Variants in PRKCA observed in about 807,000 individuals in gnomAD.
PRKCA encodes the protein protein kinase C alpha, also known as protein kinase C alpha type.
In PRKCA, 27 loss-of-function variants were observed where a neutral mutation model predicts 87.0. The ratio of observed to expected loss-of-function variants is 0.31; its 90% CI spans 0.23 to 0.43. PRKCA has a LOEUF of 0.43. PRKCA is among the 20% of genes least tolerant of loss of function. The pLI is 1.00. For missense variants in PRKCA, 518 were observed against 852.3 expected (o/e 0.61, Z 4.88); for synonymous variants, 329 against 311.1 (o/e 1.06, Z -0.61).
chr17:66,628,705 G>T (rs768809250), intron 3 of PRKCA, among the ~76,000 whole-genome samples: 1 of 152,098 alleles, frequency 6.6e-6, no homozygotes, highest in East Asian at 1.9e-4. Context: ...TTAAAGTGAG[G>T]TTATAACCAA....
chr17:66,306,955 G>C (rs1464643385), intron 2 of PRKCA, among the ~76,000 whole-genome samples: 2 of 152,006 alleles, frequency 1.3e-5, no homozygotes, highest in Non-Finnish European at 2.9e-5. Context: ...TATTATTAGG[G>C]CAAGCAGAAA....
intron 3 of PRKCA, among the ~76,000 whole-genome samples, chr17:66,606,216 C>T (rs1970205421): frequency 6.6e-6 from 1 of 152,072 alleles, no homozygotes. Flanking sequence ...GGTGAAACCC[C>T]GTCTTTACTA....
chr17:66,470,311 C>T (rs1915269396), intron 2 of PRKCA, among the ~76,000 whole-genome samples: 1 of 146,990 alleles, frequency 6.8e-6, no homozygotes, highest in Non-Finnish European at 1.5e-5. Flanking sequence ...CCCCCACCCC[C>T]GCCAACCTGG....
intron 3 of PRKCA, among the ~76,000 whole-genome samples, chr17:66,580,697 A>C (rs1598789052): frequency 6.6e-6 from 1 of 152,196 alleles, no homozygotes; most frequent in East Asian, 1.9e-4. Context: ...GGTTTTCGCC[A>C]ACTAAACACA....
chr17:66,684,877 A>G (rs556608907), intron 5 of PRKCA, among the ~76,000 whole-genome samples: 2 of 152,300 alleles, frequency 1.3e-5, no homozygotes, highest in South Asian at 4.1e-4. Context: ...AAAGCATCTG[A>G]TTCTCATTCT....
chr17:66,688,892 G>A, intron 7 of PRKCA, 59 bp from the exon 8 acceptor site: 1 of 1,080,658 alleles, frequency 9.3e-7, no homozygotes. Context: ...TCGACTAGAG[G>A]CTGCAGGAAA....
At chr17:66,548,969 C>T (rs925720954) in intron 3 of PRKCA, among the ~76,000 whole-genome samples, 2 of 151,908 alleles carry the variant, frequency 1.3e-5, no homozygotes, top group African/African-American at 4.8e-5. Context: ...CCACACCCAG[C>T]TAATTTTTGT....
intron 2 of PRKCA, among the ~76,000 whole-genome samples, chr17:66,439,215 T>G (rs991543792): frequency 2.0e-5 from 3 of 152,072 alleles, no homozygotes; most frequent in Non-Finnish European, 2.9e-5. Context: ...GAGTCTTGCT[T>G]TGTTGTCCAG....
intron 3 of PRKCA, among the ~76,000 whole-genome samples, chr17:66,557,444 CAAA>C (rs771806366): frequency 1.9e-5 from 2 of 106,878 alleles, no homozygotes. Context: ...GAAACCTGTG[CAAA>C]AAAAAAAAAA....
At chr17:66,788,065 C>T (rs9890506) in intron 15 of PRKCA, among the ~76,000 whole-genome samples, 26,281 of 152,232 alleles carry the variant, frequency 0.17, 3,774 homozygotes, top group African/African-American at 0.39. Context: ...TGAGGAAATG[C>T]TCTAGGAATA....
intron 2 of PRKCA, among the ~76,000 whole-genome samples, chr17:66,440,421 A>G (rs953923577): frequency 2.0e-5 from 3 of 152,236 alleles, no homozygotes; most frequent in South Asian, 2.1e-4. Context: ...GGAAGTCAGC[A>G]CATGTCTCCA....
At chr17:66,577,475 G>T (rs139423669) in intron 3 of PRKCA, among the ~76,000 whole-genome samples, 9 of 152,106 alleles carry the variant, frequency 5.9e-5, no homozygotes, top group African/African-American at 2.2e-4. Context: ...CTCCATAGCA[G>T]CCAGGATGCC....
rs942314260 is a variant in PRKCA, at chr17:66,431,930, C to T, written c.206-64271C>T. ...TGGAAAACCAGTAATAATTTCCCCC[C>T]GCATCCTAATTCTTTTTTCATTTCA... On this transcript the variant is annotated intron_variant, in intron 2 of 16. Coordinates refer to ENST00000413366, the MANE Select transcript of PRKCA (RefSeq NM_002737.3). Among the ~76,000 whole-genome samples, 6 of 152,314 alleles carry T rather than the reference C, an allele frequency of 3.9e-5. 1 individual carries two copies. Among genetic ancestry groups the T allele is most frequent in the Admixed American group, 2.0e-4 (3 of 15,298 alleles).
intron 5 of PRKCA, among the ~76,000 whole-genome samples, chr17:66,649,272 C>T (rs2143836124): frequency 6.6e-6 from 1 of 152,296 alleles, no homozygotes; most frequent in African/African-American, 2.4e-5. Flanking sequence ...GGTGGCACCC[C>T]CATGCCCATT....
intron 9 of PRKCA, among the ~76,000 whole-genome samples, chr17:66,735,260 A>G (rs1176541793): frequency 6.6e-6 from 1 of 152,236 alleles, no homozygotes; most frequent in African/African-American, 2.4e-5. Flanking sequence ...GCAGTGGCCT[A>G]TACCATTTAC....
At chr17:66,409,629 A>T (rs527456313) in intron 2 of PRKCA, among the ~76,000 whole-genome samples, 1 of 152,306 alleles carries the variant, frequency 6.6e-6, no homozygotes, top group East Asian at 1.9e-4. Context: ...TGAGAGCTCC[A>T]CATAGAAATC....
intron 3 of PRKCA, among the ~76,000 whole-genome samples, chr17:66,609,782 G>C (rs1970299733): frequency 6.6e-6 from 1 of 151,198 alleles, no homozygotes; most frequent in African/African-American, 2.5e-5. Flanking sequence ...TTTTGGCAAG[G>C]CTTTATTTTA....
At chr17:66,464,250 A>G (rs1257721854) in intron 2 of PRKCA, among the ~76,000 whole-genome samples, 2 of 152,092 alleles carry the variant, frequency 1.3e-5, no homozygotes, top group African/African-American at 2.4e-5. Context: ...TATCATCTGG[A>G]TGCACCGCAG....
At chr17:66,551,404 G>A (rs1968325263) in intron 3 of PRKCA, among the ~76,000 whole-genome samples, 1 of 152,234 alleles carries the variant, frequency 6.6e-6, no homozygotes, top group African/African-American at 2.4e-5. Context: ...AGTAGGGGAG[G>A]ACCCATTCCC....
Sources: allele counts gnomAD v4.1 joint callset (sites outside exome capture counted in the v4.1 genomes callset), GRCh38; gene constraint gnomAD v4.1.1; transcripts MANE v1.5; gene names NCBI Gene and HGNC (gene_info 2026-07-23, HGNC 2026-07-21).